The following GET1 variants were observed in gnomAD, a reference collection of about 807,000 sequenced individuals.
GET1 encodes the protein congenital heart disease 5 protein.
In GET1, 20 loss-of-function variants were observed where a neutral mutation model predicts 22.6. The ratio of observed to expected loss-of-function variants is 0.89; its 90% CI spans 0.62 to 1.29. The LOEUF (loss-of-function observed/expected upper bound fraction) is 1.29. Ranked by LOEUF, GET1 falls within the 50% of genes most tolerant of loss-of-function variation. The probability of loss-of-function intolerance (pLI) is 0.00; values close to 1 mark genes in which losing one functional copy is unlikely to be tolerated. For synonymous variants in GET1, 92 were observed against 83.8 expected (o/e 1.10, Z -0.53); for missense variants, 209 against 219.9 (o/e 0.95, Z 0.31).
chr21:39,426,032 C>G (rs1249928689), intron 1 of GET1: 1 of 152,214 alleles, frequency 6.6e-6, no homozygotes, highest in Admixed American at 6.5e-5. Flanking sequence ...GGACAAGGAA[C>G]ATGTAAGTGG....
chr21:39,398,815 G>C (rs945796389), downstream of GET1, among the ~76,000 whole-genome samples: 10 of 150,708 alleles, frequency 6.6e-5, no homozygotes, highest in Admixed American at 2.6e-4. Context: ...GATTTGGCCA[G>C]GTTGGTCTTG....
chr21:39,392,523 G>A (rs557162206), intron 3 of GET1, among the ~76,000 whole-genome samples: 4 of 152,088 alleles, frequency 2.6e-5, no homozygotes, highest in African/African-American at 4.8e-5. Context: ...ATAAGTTTCC[G>A]CAGACAAAGG....
intron 1 of GET1, among the ~76,000 whole-genome samples, chr21:39,419,411 G>A (rs552399647): frequency 1.3e-5 from 2 of 151,656 alleles, no homozygotes; most frequent in African/African-American, 4.8e-5. Flanking sequence ...TGTGATCCCA[G>A]CTACTTGGGA....
chr21:39,416,009 A>T (rs149561773), intron 1 of GET1, among the ~76,000 whole-genome samples: 2 of 152,322 alleles, frequency 1.3e-5, no homozygotes, highest in African/African-American at 4.8e-5. Flanking sequence ...GGAGCCACTG[A>T]TGATCATTGA....
intron 2 of GET1, 197 bp from the exon 3 acceptor site, chr21:39,391,572 G>T: frequency 1.8e-6 from 1 of 564,446 alleles, no homozygotes; most frequent in Non-Finnish European, 3.1e-6. Context: ...ATCTGAGTCG[G>T]ATACTATTTT....
Position 39,391,760 on chromosome 21 carries a change from T to C in GET1, c.269-9T>C, listed in dbSNP as rs771903348. The C allele has an allele frequency of 6.2e-7, 1 of 1,613,896 alleles. No individual in the cohort carries two copies. The highest frequency in any genetic ancestry group is 1.1e-5 in the South Asian group (1 of 91,010). ...CTGACATAATTATTTATCCTGTTTT[T>C]CCTTTCAGTGAAAGCTCGGACAGCT... On this transcript the variant is annotated splice_polypyrimidine_tract_variant and intron_variant, in intron 2 of 4. Transcript: ENST00000649170.
intron 1 of GET1, among the ~76,000 whole-genome samples, chr21:39,417,836 G>T (rs9975823): frequency 6.6e-6 from 1 of 151,832 alleles, no homozygotes; most frequent in African/African-American, 2.4e-5. Context: ...CGTGATCTCC[G>T]CTCACTGCAA....
At chr21:39,388,990 A>T (rs1315270790) in intron 1 of GET1, among the ~76,000 whole-genome samples, 1 of 151,976 alleles carries the variant, frequency 6.6e-6, no homozygotes, top group East Asian at 1.9e-4. Flanking sequence ...CTATCTGTGG[A>T]AACCACAGAT....
rs1411869227 is a variant in GET1 at position 39,396,963 on chromosome 21, A to C, written c.*24A>C. The C allele has an allele frequency of 6.2e-7, 1 of 1,612,698 alleles. No individual in the cohort carries two copies. The highest frequency in any genetic ancestry group is 1.1e-5 in the South Asian group (1 of 90,818). On this transcript the variant is annotated 3_prime_UTR_variant, in exon 5 of 5. Transcript: ENST00000649170. ...GAACAGGAGGATGGATACAGCCGCG[A>C]GGCTAAAAAACGGATTTCCTCTTCC... is the stretch of plus-strand genomic sequence containing the variant.
intron 4 of GET1, among the ~76,000 whole-genome samples, chr21:39,404,664 C>T (rs1238813472): frequency 6.8e-6 from 1 of 147,296 alleles, no homozygotes; most frequent in Admixed American, 6.9e-5. Flanking sequence ...ACACGAGAAT[C>T]GCTTGAACCC....
chr21:39,400,110 G>C (rs1252737269), downstream of GET1, among the ~76,000 whole-genome samples: 1 of 152,118 alleles, frequency 6.6e-6, no homozygotes, highest in Non-Finnish European at 1.5e-5. Context: ...CCTGACCTGG[G>C]GGGGCTCTCT....
intron 1 of GET1, chr21:39,380,738 C>T (rs2037504821): frequency 5.0e-6 from 6 of 1,202,234 alleles, no homozygotes; most frequent in East Asian, 7.8e-5. Context: ...CTGTGGGTGG[C>T]GGCGGCGAAC....
intron 1 of GET1, among the ~76,000 whole-genome samples, chr21:39,415,989 T>C (rs975592507): frequency 1.3e-5 from 2 of 152,216 alleles, no homozygotes; most frequent in African/African-American, 4.8e-5. Flanking sequence ...GTATCTCTTA[T>C]GTGATACTAG....
At chr21:39,386,006 C>G (rs1296660352) in intron 1 of GET1, 1 of 152,268 alleles carries the variant, frequency 6.6e-6, no homozygotes, top group African/African-American at 2.4e-5. Flanking sequence ...AGTGGCCACA[C>G]GAGCCACATG....
At chr21:39,400,391 C>G (rs1181178371), downstream of GET1, among the ~76,000 whole-genome samples, 1 of 152,202 alleles carries the variant, frequency 6.6e-6, no homozygotes, top group African/African-American at 2.4e-5. Flanking sequence ...AGTGATGACG[C>G]AAGTGCCTTT....
chr21:39,403,516 C>CG (rs1555890054), intron 4 of GET1, among the ~76,000 whole-genome samples: 10 of 144,406 alleles, frequency 6.9e-5, no homozygotes, highest in South Asian at 2.1e-4. Flanking sequence ...TTAGTAGAGA[C>CG]GGGGTTCACC....
rs750266291 is a variant in GET1 at position 39,380,470 on chromosome 21, C to T, written c.86C>T (p.Pro29Leu). ...TGCAATGTTCTTAGGATCCTCCTCCCGTCCTTCTCATCCTTCGTAAGTGGC... is the reference window on the plus strand; with the variant it reads ...TGCAATGTTCTTAGGATCCTCCTCCTGTCCTTCTCATCCTTCGTAAGTGGC... ...FGCNVLRILL[P>L]SFSSFMSRVL... The change falls in exon 1 of 5, where the codon CCG (proline) becomes CTG (leucine). Residue 29 changes from proline (P) to leucine (L), a missense_variant. Transcript: ENST00000649170. 1.2e-6 allele frequency: 2 copies of T among 1,612,454 alleles called. No homozygotes were observed. Among genetic ancestry groups the T allele is most frequent in the African/African-American group, 1.3e-5 (1 of 74,924 alleles).
intron 1 of GET1, among the ~76,000 whole-genome samples, chr21:39,384,188 A>G (rs2037738802): frequency 1.3e-5 from 2 of 152,016 alleles, no homozygotes; most frequent in African/African-American, 4.8e-5. Flanking sequence ...TGTCTAGTCA[A>G]ATCTTTTGCC....
downstream of GET1, chr21:39,410,210 A>G: frequency 1.6e-6 from 2 of 1,284,366 alleles, no homozygotes; most frequent in South Asian, 2.5e-5. Context: ...ACTGTAGCCT[A>G]TTTTTGTTAA....
Sources: gnomAD v4.1 joint callset for allele counts (sites outside exome capture counted in the v4.1 genomes callset) on GRCh38, gnomAD v4.1.1 for gene constraint, MANE v1.5 for transcripts, NCBI Gene and HGNC (gene_info 2026-07-23, HGNC 2026-07-21) for gene names.